ENTPD1: variants seen among roughly 807,000 people sequenced by gnomAD.
ENTPD1 encodes ATP diphosphohydrolase.
In ENTPD1, 33 loss-of-function variants were observed where a neutral mutation model predicts 57.0. The ratio of observed to expected loss-of-function variants is 0.58; its 90% CI spans 0.44 to 0.77. The LOEUF (loss-of-function observed/expected upper bound fraction) is 0.77. Among genes scored for constraint, ENTPD1 ranks in the 30% least tolerant of loss-of-function variants. ENTPD1 has a pLI of 0.00. For synonymous variants in ENTPD1, 202 were observed against 218.8 expected (o/e 0.92, Z 0.68); for missense variants, 501 against 603.4 (o/e 0.83, Z 1.78).
At chr10:95,784,235 G>A (rs1036926699) in intron 1 of ENTPD1, among the ~76,000 whole-genome samples, 1 of 151,854 alleles carries the variant, frequency 6.6e-6, no homozygotes, top group African/African-American at 2.4e-5. Context: ...TTGTATCCTG[G>A]ATCTTTCTTG....
chr10:95,825,291 A>T (rs776391133), intron 2 of ENTPD1, among the ~76,000 whole-genome samples: 9 of 152,232 alleles, frequency 5.9e-5, no homozygotes, highest in Non-Finnish European at 1.2e-4. Flanking sequence ...CTCTTGAATG[A>T]TAACTCTGAA....
chr10:95,756,413 C>T (rs2098024524), intron 1 of ENTPD1, 158 bp downstream of exon 1: 1 of 851,538 alleles, frequency 1.2e-6, no homozygotes, highest in South Asian at 1.7e-5. Flanking sequence ...AGAGAAAGAG[C>T]TTTGGGAAAC....
intron 1 of ENTPD1, among the ~76,000 whole-genome samples, chr10:95,748,231 A>T (rs1295638304): frequency 6.6e-6 from 1 of 152,120 alleles, no homozygotes; most frequent in East Asian, 1.9e-4. Flanking sequence ...TGTGAGTATC[A>T]TCTTGCCAAA....
At chr10:95,694,875 C>CT in the ENTPD1 span, among the ~76,000 whole-genome samples, 2 of 148,276 alleles carry the variant, frequency 1.3e-5, no homozygotes. Context: ...TGAAATGTGG[C>CT]TAGCGTGACT....
intron 8 of ENTPD1, among the ~76,000 whole-genome samples, chr10:95,863,225 A>G (rs994593688): frequency 2.5e-4 from 38 of 152,300 alleles, no homozygotes; most frequent in African/African-American, 9.1e-4. Flanking sequence ...GAATTCAGGG[A>G]AATTAGGCCA....
At chr10:95,824,017 T>C (rs540219517) in intron 2 of ENTPD1, among the ~76,000 whole-genome samples, 17 of 152,368 alleles carry the variant, frequency 1.1e-4, no homozygotes, top group African/African-American at 2.9e-4. Context: ...TTAACTTTAA[T>C]GTATTTATGT....
chr10:95,830,919 C>T (rs1002190048), intron 2 of ENTPD1, among the ~76,000 whole-genome samples: 4 of 152,136 alleles, frequency 2.6e-5, no homozygotes, highest in African/African-American at 9.7e-5. Flanking sequence ...GGAAGTGATG[C>T]CCAGATTTGT....
At chr10:95,815,399 G>C (rs935565386) in intron 1 of ENTPD1, among the ~76,000 whole-genome samples, 3 of 152,196 alleles carry the variant, frequency 2.0e-5, no homozygotes, top group Non-Finnish European at 4.4e-5. Flanking sequence ...GTAAGCTTCT[G>C]ACTGTCAGGG....
the ENTPD1 span, among the ~76,000 whole-genome samples, chr10:95,694,705 T>A: frequency 6.6e-6 from 1 of 152,150 alleles, no homozygotes; most frequent in African/African-American, 2.4e-5. Context: ...GCAAATTTTT[T>A]AAGCCTCTCT....
chr10:95,696,271 G>C, the ENTPD1 span, among the ~76,000 whole-genome samples: 1 of 151,858 alleles, frequency 6.6e-6, no homozygotes, highest in East Asian at 1.9e-4. Flanking sequence ...TTTATTTATT[G>C]ATTTAATTAA....
chr10:95,831,739 T>C (rs1358795477), intron 2 of ENTPD1, among the ~76,000 whole-genome samples: 3 of 152,270 alleles, frequency 2.0e-5, no homozygotes, highest in Non-Finnish European at 2.9e-5. Flanking sequence ...GGGGAGATAG[T>C]GCCCTCATGC....
the ENTPD1 span, among the ~76,000 whole-genome samples, chr10:95,699,694 C>A: frequency 6.6e-6 from 1 of 152,038 alleles, no homozygotes. Context: ...CATTTGACCC[C>A]TCTTTTGAAA....
At chr10:95,716,372 T>C (rs2097971519) in intron 1 of ENTPD1, among the ~76,000 whole-genome samples, 1 of 152,204 alleles carries the variant, frequency 6.6e-6, no homozygotes, top group Admixed American at 6.5e-5. Context: ...TCCTATTTGT[T>C]CCTGCATTGC....
chr10:95,697,283 T>A, the ENTPD1 span, among the ~76,000 whole-genome samples: 1 of 151,994 alleles, frequency 6.6e-6, no homozygotes, highest in Non-Finnish European at 1.5e-5. Flanking sequence ...GCAGAAGAAT[T>A]TTCCCCTAAA....
chr10:95,856,736 C>T (rs1044473173), intron 7 of ENTPD1, among the ~76,000 whole-genome samples: 6 of 149,582 alleles, frequency 4.0e-5, no homozygotes, highest in African/African-American at 1.5e-4. Context: ...GGAATGAAAT[C>T]ATGGCATTTG....
At chr10:95,759,421 A>G (rs570932343) in intron 1 of ENTPD1, among the ~76,000 whole-genome samples, 6 of 152,350 alleles carry the variant, frequency 3.9e-5, no homozygotes, top group African/African-American at 1.4e-4. Context: ...GATGCCTCAT[A>G]GCCAACTTTG....
chr10:95,758,023 AAAAAAAAG>A lies in ENTPD1; in HGVS notation c.16+1770_16+1777del, dbSNP rs1222215073. Among the ~76,000 whole-genome samples the A allele has an allele frequency of 1.7e-4, 24 of 143,982 alleles. 2 individuals are homozygous for A. The highest frequency in any genetic ancestry group is 3.5e-3 in the Middle Eastern group (1 of 286). The allele number at this position is 143,982 out of a possible 152,430, so 94.5% of individuals were successfully genotyped here. A position where few individuals can be genotyped will look rare whatever the true frequency, so the allele number is the denominator to read the frequency against. On this transcript the variant is annotated intron_variant, in intron 1 of 9. Coordinates refer to ENST00000371205, the MANE Select transcript of ENTPD1 (RefSeq NM_001776.6). ...GTCTCAAAAAAAAAAAAAAAAAAAA[AAAAAAAAG>A]ATTTGGACTGGATCTGAAACCCTCT...
intron 1 of ENTPD1, among the ~76,000 whole-genome samples, chr10:95,800,679 G>C (rs1464489044): frequency 1.3e-5 from 2 of 152,148 alleles, no homozygotes; most frequent in African/African-American, 4.8e-5. Flanking sequence ...AAAGAATTCA[G>C]CGATATTTCT....
intron 7 of ENTPD1, among the ~76,000 whole-genome samples, chr10:95,850,624 T>C (rs1189263027): frequency 3.3e-5 from 5 of 152,210 alleles, no homozygotes; most frequent in African/African-American, 9.6e-5. Context: ...TCTGGAAATT[T>C]TAAGAATCAG....
Sources: gnomAD v4.1 joint callset for allele counts (sites outside exome capture counted in the v4.1 genomes callset) on GRCh38, gnomAD v4.1.1 for gene constraint, MANE v1.5 for transcripts, NCBI Gene and HGNC (gene_info 2026-07-23, HGNC 2026-07-21) for gene names.